Variants in RSF1 observed in about 807,000 individuals in gnomAD.
RSF1 encodes the protein remodeling and spacing factor 1.
In RSF1, 13 loss-of-function variants were observed where a neutral mutation model predicts 145.2. The observed-to-expected ratio is 0.09, with a 90% CI of 0.06 to 0.14. The LOEUF is 0.14. RSF1 is among the 10% of genes least tolerant of loss of function. RSF1 has a pLI of 1.00. For missense variants in RSF1, 1,517 were observed against 1,718.2 expected (o/e 0.88, Z 2.07); for synonymous variants, 577 against 592.6 (o/e 0.97, Z 0.38).
At chr11:77,695,231 C>A (rs1960252954) in intron 7 of RSF1, among the ~76,000 whole-genome samples, 1 of 152,068 alleles carries the variant, frequency 6.6e-6, no homozygotes, top group Non-Finnish European at 1.5e-5. Context: ...GGGGGAGATG[C>A]ACTGAAGCTA....
intron 2 of RSF1, among the ~76,000 whole-genome samples, chr11:77,747,498 A>G (rs538223590): frequency 4.6e-5 from 7 of 152,346 alleles, no homozygotes; most frequent in Non-Finnish European, 8.8e-5. Flanking sequence ...CTAGGACAGA[A>G]TTAGTTCAAA....
the RSF1 span, among the ~76,000 whole-genome samples, chr11:77,845,994 G>C: frequency 2.5e-3 from 371 of 150,448 alleles, no homozygotes; most frequent in African/African-American, 8.2e-3. Flanking sequence ...TTGTTGTTTT[G>C]TTTATATTTC....
intron 13 of RSF1, 141 bp from the exon 14 acceptor site, chr11:77,675,397 T>C: frequency 3.1e-6 from 2 of 642,328 alleles, no homozygotes; most frequent in Non-Finnish European, 5.1e-6. Context: ...TCAAATGCCC[T>C]ATTTATAAAA....
chr11:77,857,618 T>C, the RSF1 span, among the ~76,000 whole-genome samples: 395 of 152,258 alleles, frequency 2.6e-3, 1 homozygote, highest in African/African-American at 9.3e-3. Flanking sequence ...CTCGGATACA[T>C]GTGCAGAACA....
chr11:77,770,208 A>G (rs1446851347), intron 1 of RSF1, among the ~76,000 whole-genome samples: 1 of 152,208 alleles, frequency 6.6e-6, no homozygotes, highest in Non-Finnish European at 1.5e-5. Context: ...CGTGCCTGTA[A>G]TCCCAGCACT....
At chr11:77,694,930 G>C (rs954386685) in intron 7 of RSF1, among the ~76,000 whole-genome samples, 4 of 152,102 alleles carry the variant, frequency 2.6e-5, no homozygotes, top group Non-Finnish European at 5.9e-5. Context: ...GATTAGACTG[G>C]GGTTCTGGGT....
At chr11:77,723,420 A>C (rs59404463) in intron 5 of RSF1, among the ~76,000 whole-genome samples, 27,226 of 152,184 alleles carry the variant, frequency 0.18, 3,077 homozygotes, top group African/African-American at 0.3. Context: ...CAATGACTGC[A>C]CCACTGTACT....
Position 77,701,665 on chromosome 11 carries a change from T to C in RSF1, c.1564A>G (p.Ile522Val), listed in dbSNP as rs773482715. 6.2e-7 allele frequency: 1 copy of C among 1,613,948 alleles called. No individual in the cohort carries two copies. Residue 522 changes from isoleucine to valine, a missense_variant, in exon 6 of 16, where the codon ATC becomes GTC. Ile to Val is a conservative substitution (Grantham distance 29, BLOSUM62 3). This residue lies in a region of RSF1 where 579 missense variants were observed against 553.5 expected (regional missense o/e 1.05). Transcript: ENST00000308488. ...DADSSISVLE[I>V]HSQKAQIEEP... ...TCTATTTGTGCTTTTTGACTATGGATCTCTAAGACTGATATTGAACTATCT... is the reference window on the plus strand; with the variant it reads ...TCTATTTGTGCTTTTTGACTATGGACCTCTAAGACTGATATTGAACTATCT...
intron 2 of RSF1, among the ~76,000 whole-genome samples, chr11:77,756,052 A>G (rs145904887): frequency 6.6e-6 from 1 of 152,150 alleles, no homozygotes; most frequent in Admixed American, 6.5e-5. Context: ...TAGGTAACAT[A>G]ACACATCCTA....
intron 8 of RSF1, 144 bp downstream of exon 8, chr11:77,693,363 T>C (rs1291064935): frequency 3.8e-6 from 2 of 521,800 alleles, no homozygotes; most frequent in Non-Finnish European, 6.9e-6. Context: ...TAAAAGCTAT[T>C]AATAAAAGGT....
chr11:77,671,701 C>T (rs919823078), intron 15 of RSF1, among the ~76,000 whole-genome samples: 21 of 149,886 alleles, frequency 1.4e-4, no homozygotes, highest in African/African-American at 4.9e-4. Context: ...GTGGCACAAC[C>T]TTGGCTCACT....
chr11:77,668,330 TGATAATG>T (rs1959426799), intron 15 of RSF1, among the ~76,000 whole-genome samples: 3 of 152,236 alleles, frequency 2.0e-5, no homozygotes, highest in African/African-American at 7.2e-5. Flanking sequence ...GGAAGATGTC[TGATAATG>T]CTTGAATTAA....
intron 13 of RSF1, among the ~76,000 whole-genome samples, 183 bp from the exon 14 acceptor site, chr11:77,675,439 G>C (rs1308050413): frequency 6.6e-6 from 1 of 152,148 alleles, no homozygotes; most frequent in African/African-American, 2.4e-5. Flanking sequence ...TATCCTCTTA[G>C]GAGGGGTTGT....
intron 3 of RSF1, among the ~76,000 whole-genome samples, chr11:77,744,278 C>T (rs1346575054): frequency 6.6e-6 from 1 of 152,196 alleles, no homozygotes; most frequent in Non-Finnish European, 1.5e-5. Context: ...ATCCATCCGC[C>T]TCAGCCTCCC....
the RSF1 span, among the ~76,000 whole-genome samples, chr11:77,865,920 C>T: frequency 6.6e-6 from 1 of 152,116 alleles, no homozygotes; most frequent in Admixed American, 6.5e-5. Context: ...AGGCCTCTGC[C>T]CTGGCAGAGG....
the RSF1 span, chr11:77,842,422 C>A: frequency 1.3e-6 from 2 of 1,514,596 alleles, no homozygotes; most frequent in South Asian, 2.4e-5. Context: ...ACTGTATTTT[C>A]AAACTGTTTC....
intron 1 of RSF1, among the ~76,000 whole-genome samples, chr11:77,780,632 C>T (rs1285878658): frequency 6.6e-6 from 1 of 152,060 alleles, no homozygotes; most frequent in Non-Finnish European, 1.5e-5. Flanking sequence ...TTGAGACAAG[C>T]CTGGCCAACA....
At chr11:77,818,610 C>T (rs759102500) in intron 1 of RSF1, among the ~76,000 whole-genome samples, 2 of 152,022 alleles carry the variant, frequency 1.3e-5, no homozygotes, top group East Asian at 1.9e-4. Context: ...GAAACCCCGT[C>T]TCTACTAAAA....
chr11:77,795,825 C>T (rs186931409), intron 1 of RSF1, among the ~76,000 whole-genome samples: 53 of 152,282 alleles, frequency 3.5e-4, no homozygotes, highest in African/African-American at 1.2e-3. Flanking sequence ...TGGTAGAATT[C>T]GGCTGTGAAT....
Sources: allele counts gnomAD v4.1 joint callset (sites outside exome capture counted in the v4.1 genomes callset), GRCh38; gene constraint gnomAD v4.1.1; regional missense constraint gnomAD v4.1.1; transcripts MANE v1.5; gene names NCBI Gene and HGNC (gene_info 2026-07-23, HGNC 2026-07-21).